STK32B: variants seen among roughly 807,000 people sequenced by gnomAD.
STK32B encodes serine/threonine kinase 32B.
Under a neutral mutation model 52.6 loss-of-function variants are expected in STK32B, and 43 were observed. The ratio of observed to expected loss-of-function variants is 0.82; its 90% CI spans 0.64 to 1.05. STK32B has a LOEUF of 1.05. Ranked by LOEUF, STK32B falls within the 50% of genes least tolerant of loss-of-function variation. The pLI is 0.00. For synonymous variants in STK32B, 238 were observed against 204.3 expected (o/e 1.17, Z -1.41); for missense variants, 621 against 534.6 (o/e 1.16, Z -1.59).
At chr4:5,247,796 T>C (rs1486156475) in intron 3 of STK32B, among the ~76,000 whole-genome samples, 1 of 152,206 alleles carries the variant, frequency 6.6e-6, no homozygotes, top group Non-Finnish European at 1.5e-5. Context: ...TTTTCTTTTG[T>C]GTCTTCTTTT....
upstream of STK32B, among the ~76,000 whole-genome samples, chr4:5,049,201 G>GTT (rs879582644): frequency 9.7e-5 from 14 of 143,758 alleles, no homozygotes; most frequent in East Asian, 2.0e-4. Context: ...CTTTTCTTTT[G>GTT]TTTTTTTTTT....
chr4:5,322,641 C>CT (rs1233522367), intron 3 of STK32B, among the ~76,000 whole-genome samples: 1 of 152,208 alleles, frequency 6.6e-6, no homozygotes, highest in East Asian at 1.9e-4. Flanking sequence ...ATTGTGCTGC[C>CT]TGGAGACTAA....
At chr4:5,349,969 C>A (rs966318675) in intron 4 of STK32B, among the ~76,000 whole-genome samples, 1 of 152,118 alleles carries the variant, frequency 6.6e-6, no homozygotes, top group Non-Finnish European at 1.5e-5. Context: ...TGAGCAAAGC[C>A]TATGTGACAT....
chr4:5,112,540 T>G (rs925002406), intron 1 of STK32B, among the ~76,000 whole-genome samples: 3 of 152,164 alleles, frequency 2.0e-5, no homozygotes, highest in Non-Finnish European at 2.9e-5. Flanking sequence ...CCTTTAGTTC[T>G]CTTCAGACCT....
At chr4:5,196,388 G>C (rs138981936) in intron 3 of STK32B, among the ~76,000 whole-genome samples, 1 of 62,506 alleles carries the variant, frequency 1.6e-5, no homozygotes. Flanking sequence ...TCATAGTTTT[G>C]TTCTGAACGT....
intron 11 of STK32B, among the ~76,000 whole-genome samples, chr4:5,493,697 C>A (rs372352976): frequency 9.9e-5 from 15 of 150,770 alleles, no homozygotes; most frequent in Middle Eastern, 3.4e-3. Flanking sequence ...ATCTTTCCTG[C>A]TTTCTCTTGT....
intron 3 of STK32B, among the ~76,000 whole-genome samples, chr4:5,208,678 C>A (rs555105324): frequency 2.2e-4 from 33 of 152,214 alleles, no homozygotes; most frequent in Non-Finnish European, 3.5e-4. Flanking sequence ...CCACCCATGT[C>A]ATCCTCAATG....
chr4:5,313,191 A>C (rs1254886159), intron 3 of STK32B, among the ~76,000 whole-genome samples: 1 of 151,756 alleles, frequency 6.6e-6, no homozygotes, highest in African/African-American at 2.4e-5. Flanking sequence ...ACACCACAAC[A>C]AATTGAGATT....
intron 6 of STK32B, among the ~76,000 whole-genome samples, chr4:5,423,351 A>G (rs1004424805): frequency 6.6e-6 from 1 of 152,128 alleles, no homozygotes; most frequent in Non-Finnish European, 1.5e-5. Flanking sequence ...CACTCAGGAA[A>G]TGTTGGCCAC....
chr4:5,413,441 C>T (rs1711878753), intron 5 of STK32B, among the ~76,000 whole-genome samples: 1 of 152,166 alleles, frequency 6.6e-6, no homozygotes, highest in Non-Finnish European at 1.5e-5. Flanking sequence ...CAGCCTACAT[C>T]TTTATGCTGT....
intron 3 of STK32B, among the ~76,000 whole-genome samples, chr4:5,270,271 T>A (rs1462610111): frequency 6.6e-6 from 1 of 152,056 alleles, no homozygotes; most frequent in Non-Finnish European, 1.5e-5. Context: ...GGAAGCCAGT[T>A]TGAGTCCCAA....
rs145772703 is a variant in STK32B, at chr4:5,102,076, C to T, written c.53-37829C>T. 1.4e-3 allele frequency among the ~76,000 whole-genome samples: 218 copies of T among 152,300 alleles called. 2 individuals carry two copies. The highest frequency in any genetic ancestry group is 0.01 in the Admixed American group (154 of 15,296). Reference sequence around the variant, plus strand: ...CTGTTGATGGTGGCATTGCTGTCAGCCCAGAGATAAGGAGTGAACCAGTCG... The same window carrying T: ...CTGTTGATGGTGGCATTGCTGTCAGTCCAGAGATAAGGAGTGAACCAGTCG... On this transcript the variant is annotated intron_variant, in intron 1 of 11. Coordinates refer to ENST00000282908, the MANE Select transcript of STK32B (RefSeq NM_018401.3).
At chr4:5,153,027 T>C (rs530374119) in intron 2 of STK32B, among the ~76,000 whole-genome samples, 1 of 152,316 alleles carries the variant, frequency 6.6e-6, no homozygotes, top group East Asian at 1.9e-4. Flanking sequence ...TATCCCCGTT[T>C]TACAAATGAT....
chr4:5,421,646 A>G (rs1337502112), intron 6 of STK32B, among the ~76,000 whole-genome samples: 3 of 152,128 alleles, frequency 2.0e-5, no homozygotes, highest in Non-Finnish European at 4.4e-5. Flanking sequence ...CTCCTGCCTC[A>G]CACTGTCTGA....
chr4:5,055,890 C>A (rs4689981), intron 1 of STK32B, among the ~76,000 whole-genome samples: 38,933 of 151,324 alleles, frequency 0.26, 5,247 homozygotes, highest in East Asian at 0.49. Context: ...GAAATTATCA[C>A]CATCTATCAT....
intron 11 of STK32B, among the ~76,000 whole-genome samples, chr4:5,475,057 G>C (rs1368337322): frequency 6.6e-6 from 1 of 152,148 alleles, no homozygotes; most frequent in Non-Finnish European, 1.5e-5. Context: ...CTAAAAGGCT[G>C]TGTGGATTGC....
At chr4:5,442,087 TG>T (rs1714836663) in intron 6 of STK32B, among the ~76,000 whole-genome samples, 1 of 115,174 alleles carries the variant, frequency 8.7e-6, no homozygotes, top group Non-Finnish European at 1.8e-5. Flanking sequence ...TCTGTTGATT[TG>T]GGGTGGAGAG....
At chr4:5,354,007 A>T (rs1734018222) in intron 4 of STK32B, among the ~76,000 whole-genome samples, 1 of 152,234 alleles carries the variant, frequency 6.6e-6, no homozygotes, top group Non-Finnish European at 1.5e-5. Flanking sequence ...AGACAAATGG[A>T]TAAAGAAAAT....
At position 5,398,316 on chromosome 4, in the gene STK32B, T is replaced by C; in HGVS notation, c.472+72T>C. 6.5e-7 allele frequency: 1 copy of C among 1,537,738 alleles called. No homozygotes were observed. The highest frequency in any genetic ancestry group is 9.0e-7 in the Non-Finnish European group (1 of 1,116,578). ...GAGGCACTGGGAAATAGTGCGGGGG[T>C]GGGGGTTGGGTCTTGCTGAGTTGGA... On this transcript the variant is annotated intron_variant, in intron 5 of 11. Coordinates refer to ENST00000282908, the MANE Select transcript of STK32B (RefSeq NM_018401.3). This position sits in a 1 kb window ranked among gnomAD's most constrained non-coding sequence, Gnocchi z 4.9.
Sources: gnomAD v4.1 joint callset for allele counts (sites outside exome capture counted in the v4.1 genomes callset) on GRCh38, gnomAD v4.1.1 for gene constraint, Gnocchi (gnomAD v3.1) non-coding constraint, MANE v1.5 for transcripts, NCBI Gene and HGNC (gene_info 2026-07-23, HGNC 2026-07-21) for gene names.